RARB: variants seen among roughly 807,000 people sequenced by gnomAD.
RARB encodes HBV-activated protein.
Under a neutral mutation model 51.9 loss-of-function variants are expected in RARB, and 17 were observed. That is an observed-to-expected ratio of 0.33 (90% confidence interval 0.22 to 0.49). RARB has a LOEUF of 0.49. Among genes scored for constraint, RARB ranks in the 20% least tolerant of loss-of-function variants. RARB has a pLI of 0.99. For synonymous variants in RARB, 215 were observed against 195.4 expected (o/e 1.10, Z -0.84); for missense variants, 369 against 550.8 (o/e 0.67, Z 3.30).
At chr3:25,348,810 T>C (rs1705473672) in intron 5 of RARB, among the ~76,000 whole-genome samples, 1 of 152,226 alleles carries the variant, frequency 6.6e-6, no homozygotes, top group African/African-American at 2.4e-5. Context: ...CCAAGCCAAC[T>C]GGAGGGTTTG....
At chr3:25,402,945 A>G (rs1247514828) in intron 5 of RARB, among the ~76,000 whole-genome samples, 1 of 152,012 alleles carries the variant, frequency 6.6e-6, no homozygotes, top group African/African-American at 2.4e-5. Flanking sequence ...CAGGCCGATC[A>G]TGAGGTCAGG....
At chr3:25,506,706 G>T (rs1242943264) in intron 3 of RARB, among the ~76,000 whole-genome samples, 1 of 152,256 alleles carries the variant, frequency 6.6e-6, no homozygotes, top group Non-Finnish European at 1.5e-5. Flanking sequence ...ACAAACAAGT[G>T]TGGTTATATT....
At chr3:25,508,367 CTG>C (rs1697715300) in intron 3 of RARB, among the ~76,000 whole-genome samples, 1 of 152,124 alleles carries the variant, frequency 6.6e-6, no homozygotes, top group Non-Finnish European at 1.5e-5. Context: ...TTTTGTTGCT[CTG>C]TGTTTCTCTC....
At chr3:25,584,537 G>A (rs1701306119) in intron 5 of RARB, among the ~76,000 whole-genome samples, 1 of 152,186 alleles carries the variant, frequency 6.6e-6, no homozygotes, top group African/African-American at 2.4e-5. Context: ...GTGAGTCGTG[G>A]GGAGCCTAGA....
chr3:25,038,989 G>A (rs1321984427), intron 2 of RARB, among the ~76,000 whole-genome samples: 1 of 152,186 alleles, frequency 6.6e-6, no homozygotes, highest in Non-Finnish European at 1.5e-5. Context: ...TATAGACAGA[G>A]GAGCAGCTAC....
At chr3:25,104,206 TGAAA>T in intron 3 of RARB, among the ~76,000 whole-genome samples, 1 of 152,262 alleles carries the variant, frequency 6.6e-6, no homozygotes, top group South Asian at 2.1e-4. Flanking sequence ...ATGGCTAAAT[TGAAA>T]AAGACGGACA....
intron 2 of RARB, among the ~76,000 whole-genome samples, chr3:25,488,403 T>C (rs936272832): frequency 6.6e-6 from 1 of 152,244 alleles, no homozygotes; most frequent in Non-Finnish European, 1.5e-5. Flanking sequence ...GAAGTGCTTT[T>C]GGATGAGTTC....
chr3:25,404,598 T>A (rs943311914), intron 5 of RARB, among the ~76,000 whole-genome samples: 5 of 152,174 alleles, frequency 3.3e-5, no homozygotes, highest in African/African-American at 7.2e-5. Context: ...TGCTCAAACA[T>A]TTTTTGAGCA....
intron 5 of RARB, among the ~76,000 whole-genome samples, chr3:25,195,815 T>C (rs532128460): frequency 2.6e-5 from 4 of 152,152 alleles, no homozygotes; most frequent in African/African-American, 9.6e-5. Context: ...TCTTGAGTGA[T>C]AAAATATGAA....
chr3:24,968,716 G>C (rs1450002064), intron 2 of RARB, among the ~76,000 whole-genome samples: 2 of 152,084 alleles, frequency 1.3e-5, no homozygotes, highest in African/African-American at 2.4e-5. Context: ...CAGGAAGACA[G>C]GGCAAGTCCC....
intron 1 of RARB, among the ~76,000 whole-genome samples, chr3:25,432,197 C>G (rs532586101): frequency 6.6e-6 from 1 of 152,058 alleles, no homozygotes; most frequent in South Asian, 2.1e-4. Flanking sequence ...CAAAGTTTTC[C>G]TTCCTTGTAG....
intron 3 of RARB, among the ~76,000 whole-genome samples, chr3:25,088,993 C>T (rs543947519): frequency 5.3e-5 from 8 of 152,122 alleles, no homozygotes; most frequent in South Asian, 2.1e-4. Context: ...GTTCCCTCCC[C>T]ACCCTGCCCC....
intron 2 of RARB, among the ~76,000 whole-genome samples, chr3:24,887,989 C>T (rs922799379): frequency 1.3e-5 from 2 of 152,116 alleles, no homozygotes; most frequent in African/African-American, 2.4e-5. Context: ...CTATCAGCAA[C>T]ATGTGAGTGC....
Position 24,993,928 on chromosome 3 carries a change from C to T in RARB, c.-379-66197C>T, listed in dbSNP as rs971527174. 2.6e-5 allele frequency among the ~76,000 whole-genome samples: 4 copies of T among 152,096 alleles called. No homozygotes were observed. In the East Asian group the frequency reaches 5.8e-4, roughly 22 times the overall value. On this transcript the variant is annotated intron_variant, in intron 2 of 11. Transcript: ENST00000383772. ...CTGTTATTGGACACTAGGTTGATTCCGTATCTTGGCTATTGTGAATAGTGC... is the reference window on the plus strand; with the variant it reads ...CTGTTATTGGACACTAGGTTGATTCTGTATCTTGGCTATTGTGAATAGTGC...
chr3:24,905,389 GCTTA>G (rs1219037753), intron 2 of RARB, among the ~76,000 whole-genome samples: 1 of 152,154 alleles, frequency 6.6e-6, no homozygotes, highest in African/African-American at 2.4e-5. Flanking sequence ...AAATACCTCT[GCTTA>G]CTTGACACAT....
intron 5 of RARB, among the ~76,000 whole-genome samples, chr3:25,414,077 C>CG (rs1707638605): frequency 6.6e-6 from 1 of 151,804 alleles, no homozygotes; most frequent in African/African-American, 2.4e-5. Context: ...CTCCCTTTTC[C>CG]CTAAGCCCTG....
intron 3 of RARB, among the ~76,000 whole-genome samples, chr3:25,087,070 TATA>T (rs1238679510): frequency 2.0e-5 from 3 of 152,240 alleles, no homozygotes; most frequent in Non-Finnish European, 4.4e-5. Flanking sequence ...TTTGGGGTAA[TATA>T]ATTCGATTTT....
chr3:25,279,756 G>C (rs1200560478), intron 5 of RARB, among the ~76,000 whole-genome samples: 1 of 152,086 alleles, frequency 6.6e-6, no homozygotes, highest in Non-Finnish European at 1.5e-5. Context: ...TGATATATTA[G>C]CTTTTAGGCA....
intron 2 of RARB, among the ~76,000 whole-genome samples, chr3:24,914,178 G>A (rs563774933): frequency 1.3e-5 from 2 of 152,270 alleles, no homozygotes; most frequent in South Asian, 2.1e-4. Context: ...ATAGCTCAGG[G>A]ATCTGAGACA....
Sources: gnomAD v4.1 joint callset for allele counts (sites outside exome capture counted in the v4.1 genomes callset) on GRCh38, gnomAD v4.1.1 for gene constraint, MANE v1.5 for transcripts, NCBI Gene and HGNC (gene_info 2026-07-23, HGNC 2026-07-21) for gene names.